The following CAD variants were observed in gnomAD, a reference collection of about 807,000 sequenced individuals.
CAD encodes carbamoyl-phosphate synthetase 2, aspartate transcarbamylase, and dihydroorotase, also known as multifunctional protein CAD.
In CAD, 81 loss-of-function variants were observed where a neutral mutation model predicts 237.2. The ratio of observed to expected loss-of-function variants is 0.34; its 90% CI spans 0.29 to 0.41. The LOEUF is 0.41. CAD is among the 10% of genes least tolerant of loss of function. The pLI is 1.00. For synonymous variants in CAD, 1,196 were observed against 1,162.8 expected (o/e 1.03, Z -0.58); for missense variants, 2,181 against 2,951.7 (o/e 0.74, Z 6.05).
Position 27,239,315 on chromosome 2 carries a change from C to T in CAD, c.5254-16C>T. The T allele has an allele frequency of 1.9e-6, 3 of 1,610,632 alleles. No individual in the cohort carries two copies. The highest frequency in any genetic ancestry group is 2.5e-6 in the Non-Finnish European group (3 of 1,177,302). On this transcript the variant is annotated splice_polypyrimidine_tract_variant and intron_variant, in intron 32 of 43. Coordinates refer to ENST00000264705, the MANE Select transcript of CAD (RefSeq NM_004341.5). This position sits in a 1 kb window ranked among gnomAD's most constrained non-coding sequence, Gnocchi z 4.0. Reference sequence around the variant, plus strand: ...TGGGGATCCTTTCCCTAGCATAACCCATGTCCTCTGGGCAGGTGGATCTGG... The same window carrying T: ...TGGGGATCCTTTCCCTAGCATAACCTATGTCCTCTGGGCAGGTGGATCTGG...
At position 27,240,249 on chromosome 2, in the gene CAD, AACGTT is replaced by A; in HGVS notation, c.5497-14_5497-10del. 4.4e-6 allele frequency: 7 copies of A among 1,584,828 alleles called. No homozygotes were observed. The highest frequency in any genetic ancestry group is 6.0e-6 in the Non-Finnish European group (7 of 1,163,296). On this transcript the variant is annotated splice_polypyrimidine_tract_variant and intron_variant, in intron 34 of 43. Coordinates refer to ENST00000264705, the MANE Select transcript of CAD (RefSeq NM_004341.5). This position sits in a 1 kb window ranked among gnomAD's most constrained non-coding sequence, Gnocchi z 4.6. Reference sequence around the variant, plus strand: ...AAAAAAAAAAAAACAACTCTGGGCCAACGTTATCCCTCCAGACACCTGAAAGACCC... The same window carrying A: ...AAAAAAAAAAAAACAACTCTGGGCCAATCCCTCCAGACACCTGAAAGACCC...
At position 27,224,599 on chromosome 2, in the gene CAD, A is replaced by G; in HGVS notation, c.1254+109A>G. On this transcript the variant is annotated intron_variant, in intron 9 of 43. Coordinates refer to ENST00000264705, the MANE Select transcript of CAD (RefSeq NM_004341.5). ...GGAGGAAATGAACCAGATTTGGGGA[A>G]TGTAGAGAAAGATGTAGTAAGAAAT... is the stretch of plus-strand genomic sequence containing the variant. 2.6e-6 allele frequency: 4 copies of G among 1,544,352 alleles called. No homozygotes were observed. In the South Asian group the frequency reaches 4.9e-5, roughly 19 times the overall value.
Position 27,217,902 on chromosome 2 carries a change from C to T in CAD, c.108C>T (p.Tyr36=), listed in dbSNP as rs755023117. 1.2e-6 allele frequency: 2 copies of T among 1,608,982 alleles called. No homozygotes were observed. The highest frequency in any genetic ancestry group is 2.2e-5 in the South Asian group (2 of 90,380). Residue 36 remains tyrosine (Y), a synonymous_variant, in exon 2 of 44, where the codon TAC becomes TAT. Transcript: ENST00000264705. ...EVVFQTGMVG[Y]PEALTDPSYK... is the part of the protein sequence containing the mutation. ...TGTTTCAAACCGGCATGGTCGGCTA[C>T]CCCGAGGCCCTCACTGATCCCTCCT...
rs768180231 is a variant in CAD at position 27,231,986 on chromosome 2, G to A, written c.2407G>A (p.Glu803Lys). 6.2e-6 allele frequency: 10 copies of A among 1,614,208 alleles called. No individual in the cohort carries two copies. The South Asian group carries it at 1.1e-4, about 18-fold the overall frequency. The change falls in exon 17 of 44, where the codon GAG becomes AAG. Residue 803 changes from glutamate to lysine, a missense_variant. Coordinates refer to ENST00000264705, the MANE Select transcript of CAD (RefSeq NM_004341.5). ...TVKPVSDMEL[E>K]TPTDKRIFVV... Reference sequence around the variant, plus strand: ...TCTACCCCCTTTCTATCAGGAGTTGGAGACTCCAACAGATAAGCGGATTTT... The same window carrying A: ...TCTACCCCCTTTCTATCAGGAGTTGAAGACTCCAACAGATAAGCGGATTTT...
Position 27,232,012 on chromosome 2 carries a change from T to G in CAD, c.2433T>G (p.Phe811Leu), listed in dbSNP as rs756529541. 2 of 1,614,222 alleles carry G rather than the reference T, an allele frequency of 1.2e-6. No individual in the cohort carries two copies. Among genetic ancestry groups the G allele is most frequent in the Admixed American group, 3.3e-5 (2 of 60,022 alleles). Residue 811 changes from phenylalanine (F) to leucine (L), a missense_variant, in exon 17 of 44, where the codon TTT (phenylalanine) becomes TTG (leucine). Coordinates refer to ENST00000264705, the MANE Select transcript of CAD (RefSeq NM_004341.5). The surrounding 1 kb of genome is among the most constrained non-coding windows in gnomAD (Gnocchi z 4.1). ...AGACTCCAACAGATAAGCGGATTTT[T>G]GTGGTGGCAGCTGCTTTGTGGGCTG... is the stretch of plus-strand genomic sequence containing the variant. ...ELETPTDKRI[F>L]VVAAALWAGY...
chr2:27,234,224 A>G lies in CAD; in HGVS notation c.3616A>G (p.Lys1206Glu), dbSNP rs1410915827. The G allele has an allele frequency of 6.2e-7, 1 of 1,613,538 alleles. No individual in the cohort carries two copies. The highest frequency in any genetic ancestry group is 8.5e-7 in the Non-Finnish European group (1 of 1,179,424). ...TGPFNLQLIAKDDQLKVIECN... is the reference protein window; with the variant it reads ...TGPFNLQLIAEDDQLKVIECN... ...ACCCTTCAATCTGCAGCTCATTGCCAAGGTAATAAGGCTAAAGGAAAGAAC... is the reference window on the plus strand; with the variant it reads ...ACCCTTCAATCTGCAGCTCATTGCCGAGGTAATAAGGCTAAAGGAAAGAAC... The change falls in exon 22 of 44, where the codon AAG (lysine) becomes GAG (glutamate). Residue 1206 changes from lysine (K) to glutamate (E), a missense_variant and splice_region_variant. Lys to Glu is a moderately conservative substitution (Grantham distance 56, BLOSUM62 1). Around this residue, in one of 12 missense-constraint regions of CAD, gnomAD observed 306 missense variants for 607.9 expected, o/e 0.50. Coordinates refer to ENST00000264705, the MANE Select transcript of CAD (RefSeq NM_004341.5).
Position 27,236,479 on chromosome 2 carries a change from G to A in CAD, c.4270G>A (p.Val1424Met). ...RTRRLAADFS[V>M]PLIIDIKCTK... ...CCGACGCTTGGCCGCTGACTTCTCC[G>A]TGCCCCTAATCATCGATATCAAGTG... The change falls in exon 26 of 44, where the codon GTG (valine) becomes ATG (methionine). Residue 1424 changes from valine (V) to methionine (M), a missense_variant. Physicochemically the swap from Val to Met is conservative, Grantham distance 21. Coordinates refer to ENST00000264705, the MANE Select transcript of CAD (RefSeq NM_004341.5). The surrounding 1 kb of genome is among the most constrained non-coding windows in gnomAD (Gnocchi z 4.1). 1.2e-6 allele frequency: 2 copies of A among 1,613,588 alleles called. No individual in the cohort carries two copies. Among genetic ancestry groups the A allele is most frequent in the Non-Finnish European group, 1.7e-6 (2 of 1,180,028 alleles).
In CAD at chr2:27,236,648, G is replaced by A; in HGVS notation, c.4315-101G>A. ...TTGTGGCTACAGAGGGAGAGATGGT[G>A]GGTATAGAGTGTGCAGAGCCTGGTT... is the stretch of plus-strand genomic sequence containing the variant. On this transcript the variant is annotated intron_variant, in intron 26 of 43. Transcript: ENST00000264705. This position sits in a 1 kb window ranked among gnomAD's most constrained non-coding sequence, Gnocchi z 4.1. The A allele has an allele frequency of 1.3e-6, 2 of 1,538,980 alleles. No homozygotes were observed. The highest frequency in any genetic ancestry group is 1.8e-6 in the Non-Finnish European group (2 of 1,114,250).
chr2:27,224,612 T>C, intron 9 of CAD, 122 bp downstream of exon 9: 1 of 1,538,802 alleles, frequency 6.5e-7, no homozygotes. Flanking sequence ...TAGAGAAAGA[T>C]GTAGTAAGAA....
Position 27,226,899 on chromosome 2 carries a change from C to A in CAD, c.2224C>A (p.Arg742=). 6.2e-7 allele frequency: 1 copy of A among 1,614,060 alleles called. No individual in the cohort carries two copies. Among genetic ancestry groups the A allele is most frequent in the Non-Finnish European group, 8.5e-7 (1 of 1,179,948 alleles). Residue 742 remains arginine (R), a synonymous_variant, in exon 15 of 44, where the codon CGA becomes AGA. Coordinates refer to ENST00000264705, the MANE Select transcript of CAD (RefSeq NM_004341.5). ...GGATTATTGTGTGGTGAAGATTCCTCGATGGGACCTTAGCAAGTTCCTGCG... is the reference window on the plus strand; with the variant it reads ...GGATTATTGTGTGGTGAAGATTCCTAGATGGGACCTTAGCAAGTTCCTGCG... ...SVDYCVVKIP[R]WDLSKFLRVS...
At position 27,239,144 on chromosome 2, in the gene CAD, G is replaced by A. The variant is rs183562830; in HGVS notation, c.5165G>A (p.Arg1722Gln). The A allele has an allele frequency of 9.9e-6, 16 of 1,613,528 alleles. No homozygotes were observed. In the African/African-American group the frequency reaches 1.1e-4, roughly 11 times the overall value. Residue 1722 changes from arginine (R) to glutamine (Q), a missense_variant, in exon 32 of 44, where the codon CGG (arginine) becomes CAG (glutamine). Arg to Gln is a conservative substitution (Grantham distance 43). This residue lies in a region of CAD where 478 missense variants were observed against 515.0 expected (regional missense o/e 0.93). Transcript: ENST00000264705. The surrounding 1 kb of genome is among the most constrained non-coding windows in gnomAD (Gnocchi z 4.0). ...CTCCTGACGGCTGTAAGCGAGGGCC[G>A]GCTCAGCCTGGACGACCTGCTGCAG... is the stretch of plus-strand genomic sequence containing the variant. The part of the protein sequence containing the change: ...PLLLTAVSEG[R>Q]LSLDDLLQRL...
In CAD at chr2:27,235,140, T is replaced by A; in HGVS notation, c.3787-105T>A. 1 of 1,074,192 alleles carries A rather than the reference T, an allele frequency of 9.3e-7. No individual in the cohort carries two copies. The highest frequency in any genetic ancestry group is 1.3e-6 in the Non-Finnish European group (1 of 754,588). The allele number at this position is 1,074,192 out of a possible 1,614,324, so 66.5% of individuals were successfully genotyped here. The stretch of plus-strand genomic sequence containing the variant: ...GCACACAGAGAGGGCAGGCTGACCC[T>A]GCCATTCAGATGGGATCAAGCACAG... On this transcript the variant is annotated intron_variant, in intron 23 of 43. Coordinates refer to ENST00000264705, the MANE Select transcript of CAD (RefSeq NM_004341.5). The surrounding 1 kb of genome is among the most constrained non-coding windows in gnomAD (Gnocchi z 5.2).
Position 27,239,152 on chromosome 2 carries a change from C to T in CAD, c.5173C>T (p.Leu1725=). 1 of 1,613,576 alleles carries T rather than the reference C, an allele frequency of 6.2e-7. No homozygotes were observed. The highest frequency in any genetic ancestry group is 8.5e-7 in the Non-Finnish European group (1 of 1,179,688). The change falls in exon 32 of 44, where the codon CTG becomes TTG. Residue 1725 remains leucine, a synonymous_variant. Coordinates refer to ENST00000264705, the MANE Select transcript of CAD (RefSeq NM_004341.5). The surrounding 1 kb of genome is among the most constrained non-coding windows in gnomAD (Gnocchi z 4.0). ...GGCTGTAAGCGAGGGCCGGCTCAGC[C>T]TGGACGACCTGCTGCAGCGATTGCA... ...LTAVSEGRLS[L]DDLLQRLHHN... is the part of the protein sequence containing the mutation.
Position 27,223,785 on chromosome 2 carries a change from C to T in CAD, c.995+37C>T, listed in dbSNP as rs1162726562. The T allele has an allele frequency of 3.7e-6, 6 of 1,605,366 alleles. No individual in the cohort carries two copies. The African/African-American group carries it at 8.0e-5, about 21-fold the overall frequency. On this transcript the variant is annotated intron_variant, in intron 7 of 43. Coordinates refer to ENST00000264705, the MANE Select transcript of CAD (RefSeq NM_004341.5). The stretch of plus-strand genomic sequence containing the variant: ...TGACTGGGTCTGTGAAAATTTGAAG[C>T]CCTGTGGGCCTTGATGATGGAAAAG...
At position 27,233,482 on chromosome 2, in the gene CAD, C is replaced by T. The variant is rs137930730; in HGVS notation, c.3162C>T (p.Leu1054=). The T allele has an allele frequency of 1.1e-3, 1,839 of 1,614,232 alleles. No homozygotes were observed. Among genetic ancestry groups the T allele is most frequent in the Non-Finnish European group, 1.3e-3 (1,548 of 1,180,044 alleles). ...SAENRFKFSR[L]LDTIGISQPQ... The stretch of plus-strand genomic sequence containing the variant: ...AGAACCGTTTCAAGTTTTCCCGGCT[C>T]CTTGACACCATTGGTATCAGCCAGC... The change falls in exon 20 of 44, where the codon CTC becomes CTT. Residue 1054 remains leucine, a synonymous_variant. Coordinates refer to ENST00000264705, the MANE Select transcript of CAD (RefSeq NM_004341.5). This position sits in a 1 kb window ranked among gnomAD's most constrained non-coding sequence, Gnocchi z 6.3.
Position 27,217,588 on chromosome 2 carries a change from C to T in CAD, c.37C>T (p.Arg13Trp). The T allele has an allele frequency of 6.2e-7, 1 of 1,608,588 alleles. No homozygotes were observed. Among genetic ancestry groups the T allele is most frequent in the Non-Finnish European group, 8.5e-7 (1 of 1,177,994 alleles). ...ALVLEDGSVL[R>W]GQPFGAAVST... Reference sequence around the variant, plus strand: ...AGTGTTGGAGGACGGGTCGGTCCTGCGGGGCCAGCCCTTTGGGGCCGCCGT... The same window carrying T: ...AGTGTTGGAGGACGGGTCGGTCCTGTGGGGCCAGCCCTTTGGGGCCGCCGT... Residue 13 changes from arginine (R) to tryptophan (W), a missense_variant, in exon 1 of 44, where the codon CGG (arginine) becomes TGG (tryptophan). Arg to Trp is a moderately radical substitution (Grantham distance 101). Coordinates refer to ENST00000264705, the MANE Select transcript of CAD (RefSeq NM_004341.5).
At chr2:27,225,646 C>T in intron 11 of CAD, 59 bp from the exon 12 acceptor site, 3 of 1,255,574 alleles carry the variant, frequency 2.4e-6, no homozygotes, top group South Asian at 1.2e-5. Context: ...TTATGTGGGA[C>T]AGGCACACCT....
Position 27,222,534 on chromosome 2 carries a change from A to G in CAD, c.511A>G (p.Asn171Asp). ...EVSIKTPRVF[N>D]TGGAPRILAL... Reference sequence around the variant, plus strand: ...TATTTCTCAGACTCCACGGGTATTCAATACAGGGGGTGCCCCTCGGATCCT... The same window carrying G: ...TATTTCTCAGACTCCACGGGTATTCGATACAGGGGGTGCCCCTCGGATCCT... Residue 171 changes from asparagine (N) to aspartate (D), a missense_variant, in exon 5 of 44, where the codon AAT becomes GAT. Physicochemically the swap from Asn to Asp is conservative, Grantham distance 23 (BLOSUM62 1). Around this residue, in one of 12 missense-constraint regions of CAD, gnomAD observed 314 missense variants for 339.4 expected, o/e 0.93. Coordinates refer to ENST00000264705, the MANE Select transcript of CAD (RefSeq NM_004341.5). 3.7e-6 allele frequency: 6 copies of G among 1,614,066 alleles called. No individual in the cohort carries two copies. Among genetic ancestry groups the G allele is most frequent in the South Asian group, 1.1e-5 (1 of 91,086 alleles).
chr2:27,231,740 C>G (rs1675769081), intron 16 of CAD, among the ~76,000 whole-genome samples, 160 bp downstream of exon 16: 1 of 152,198 alleles, frequency 6.6e-6, no homozygotes, highest in South Asian at 2.1e-4. Context: ...CATTAGCACG[C>G]AAGGGTGTAT....
Sources: allele counts gnomAD v4.1 joint callset (sites outside exome capture counted in the v4.1 genomes callset), GRCh38; gene constraint gnomAD v4.1.1; regional missense constraint gnomAD v4.1.1; non-coding constraint Gnocchi (gnomAD v3.1); transcripts MANE v1.5; gene names NCBI Gene and HGNC (gene_info 2026-07-23, HGNC 2026-07-21).